The following PLXNA4 variants were observed in gnomAD, a reference collection of about 807,000 sequenced individuals.
PLXNA4 encodes the protein plexin-A4.
A neutral mutation model predicts 191.8 loss-of-function variants in PLXNA4; 44 were observed. The observed-to-expected ratio is 0.23, with a 90% CI of 0.18 to 0.29. PLXNA4 has a LOEUF of 0.29. Among genes scored for constraint, PLXNA4 ranks in the 10% least tolerant of loss-of-function variants. PLXNA4 has a pLI of 1.00. For missense variants in PLXNA4, 1,800 were observed against 2,488.8 expected (o/e 0.72, Z 5.89); for synonymous variants, 1,082 against 1,009.5 (o/e 1.07, Z -1.36).
rs188282545 is a variant in PLXNA4 at position 132,378,600 on chromosome 7, G to A, written c.1372-80378C>T. Among the ~76,000 whole-genome samples, 88 of 152,272 alleles carry A rather than the reference G, an allele frequency of 5.8e-4. 1 individual carries two copies. The highest frequency in any genetic ancestry group is 2.1e-3 in the African/African-American group (86 of 41,562). ...ATTCCAAGAAGTTTCATGGATAGCA[G>A]GCATGGCAGATGATTAACTTCCTCC... On this transcript the variant is annotated intron_variant, in intron 3 of 31. Transcript: ENST00000321063.
At chr7:132,550,792 A>G (rs528251795) in intron 1 of PLXNA4, among the ~76,000 whole-genome samples, 7 of 53,696 alleles carry the variant, frequency 1.3e-4, no homozygotes. Context: ...CTGCACCTAT[A>G]GTCCCTCATC....
chr7:132,242,877 C>T (rs1157078638), intron 4 of PLXNA4, among the ~76,000 whole-genome samples: 1 of 152,114 alleles, frequency 6.6e-6, no homozygotes, highest in Non-Finnish European at 1.5e-5. Flanking sequence ...AAGAATTTGC[C>T]CTCTTTCTGT....
chr7:132,546,151 A>T (rs1037979887), intron 1 of PLXNA4, among the ~76,000 whole-genome samples: 3 of 152,216 alleles, frequency 2.0e-5, no homozygotes, highest in Admixed American at 2.0e-4. Flanking sequence ...GTCTCTAGCT[A>T]GAGCTTCAGG....
intron 2 of PLXNA4, among the ~76,000 whole-genome samples, chr7:132,608,526 CA>C (rs1273597703): frequency 6.6e-6 from 1 of 152,108 alleles, no homozygotes; most frequent in African/African-American, 2.4e-5. Context: ...AAAGCTGGCC[CA>C]AGATTCTAAC....
At chr7:132,492,490 C>A (rs900722214) in intron 2 of PLXNA4, among the ~76,000 whole-genome samples, 4 of 152,228 alleles carry the variant, frequency 2.6e-5, no homozygotes, top group Non-Finnish European at 1.5e-5. Context: ...TGACAGATTT[C>A]TCCCTAAGTT....
intron 10 of PLXNA4, among the ~76,000 whole-genome samples, chr7:132,204,936 A>G (rs930427248): frequency 6.6e-6 from 1 of 152,254 alleles, no homozygotes; most frequent in East Asian, 1.9e-4. Flanking sequence ...TAGCATCCAG[A>G]GTTCTAACTT....
rs944544072 is a variant in PLXNA4, at chr7:132,549,713, A to C, written c.-87+26709T>G. Among the ~76,000 whole-genome samples the C allele has an allele frequency of 1.3e-5, 2 of 152,230 alleles. 1 individual carries two copies. Among genetic ancestry groups the C allele is most frequent in the Non-Finnish European group, 2.9e-5 (2 of 68,046 alleles). ...ATGCAGGGAGGATTCCTCAGCAGTC[A>C]TGACAATTGCTATTTGGGTTAAGTT... is the stretch of plus-strand genomic sequence containing the variant. On this transcript the variant is annotated intron_variant, in intron 1 of 31. Coordinates refer to ENST00000321063, the MANE Select transcript of PLXNA4 (RefSeq NM_020911.2).
intron 14 of PLXNA4, among the ~76,000 whole-genome samples, chr7:132,191,146 G>T (rs1001439394): frequency 6.6e-6 from 1 of 152,186 alleles, no homozygotes; most frequent in Non-Finnish European, 1.5e-5. Context: ...TTTACAGGGA[G>T]GGGGAGCCTT....
chr7:132,223,773 G>T (rs1183615713), intron 8 of PLXNA4, 132 bp from the exon 9 acceptor site: 1 of 677,012 alleles, frequency 1.5e-6, no homozygotes, highest in Non-Finnish European at 2.6e-6. Flanking sequence ...AGGAAGGGCA[G>T]ATCTTATGCA....
chr7:132,153,256 C>G (rs918059936), intron 25 of PLXNA4, among the ~76,000 whole-genome samples: 1 of 152,120 alleles, frequency 6.6e-6, no homozygotes, highest in African/African-American at 2.4e-5. Context: ...TGAGTCTGAG[C>G]AGGAGAAAGT....
At chr7:132,446,141 G>A (rs1353931577) in intron 3 of PLXNA4, among the ~76,000 whole-genome samples, 4 of 152,210 alleles carry the variant, frequency 2.6e-5, no homozygotes, top group South Asian at 2.1e-4. Context: ...TGAGCTACAC[G>A]TGGATAACAG....
chr7:132,424,323 T>C (rs1173315103), intron 3 of PLXNA4, among the ~76,000 whole-genome samples: 2 of 152,150 alleles, frequency 1.3e-5, no homozygotes, highest in East Asian at 3.9e-4. Flanking sequence ...ATCTAGGAAA[T>C]CCATACCAAG....
chr7:132,573,393 G>A (rs1338505831), intron 1 of PLXNA4, among the ~76,000 whole-genome samples: 2 of 152,254 alleles, frequency 1.3e-5, no homozygotes, highest in Non-Finnish European at 2.9e-5. Flanking sequence ...CCCCCTAGCT[G>A]GCTAGGAGGA....
chr7:132,491,011 C>A (rs1281407388), intron 2 of PLXNA4, among the ~76,000 whole-genome samples: 1 of 152,102 alleles, frequency 6.6e-6, no homozygotes, highest in South Asian at 2.1e-4. Flanking sequence ...CCTCGGCACT[C>A]CCCACAAGCA....
chr7:132,402,989 A>G (rs1171394506), intron 3 of PLXNA4, among the ~76,000 whole-genome samples: 1 of 152,212 alleles, frequency 6.6e-6, no homozygotes, highest in Non-Finnish European at 1.5e-5. Flanking sequence ...TAATAACTGG[A>G]TCTCTCTTCC....
At chr7:132,164,346 A>T (rs951020832) in intron 23 of PLXNA4, 58 bp from the exon 24 acceptor site, 2 of 1,591,320 alleles carry the variant, frequency 1.3e-6, no homozygotes, top group Middle Eastern at 3.3e-4. Flanking sequence ...GTGTACCCCC[A>T]GTCCCTGCTT....
chr7:132,603,816 T>A (rs1421718496), intron 2 of PLXNA4, among the ~76,000 whole-genome samples: 1 of 152,168 alleles, frequency 6.6e-6, no homozygotes, highest in Non-Finnish European at 1.5e-5. Context: ...AAAAACTGTA[T>A]CACACTGATG....
chr7:132,386,062 C>G lies in PLXNA4; in HGVS notation c.1372-87840G>C, dbSNP rs115493116. On this transcript the variant is annotated intron_variant, in intron 3 of 31. Coordinates refer to ENST00000321063, the MANE Select transcript of PLXNA4 (RefSeq NM_020911.2). ...GATGGCATGATGTTCCATAGAGCAG[C>G]GATCTTTGAGGGATTACCTCCAGCT... is the stretch of plus-strand genomic sequence containing the variant. 5.9e-3 allele frequency among the ~76,000 whole-genome samples: 895 copies of G among 152,228 alleles called. 7 individuals carry two copies. Among genetic ancestry groups the G allele is most frequent in the African/African-American group, 0.021 (875 of 41,524 alleles).
At chr7:132,627,182 C>A (rs1803394899) in intron 2 of PLXNA4, among the ~76,000 whole-genome samples, 1 of 152,190 alleles carries the variant, frequency 6.6e-6, no homozygotes, top group African/African-American at 2.4e-5. Flanking sequence ...TCCTTCCCAA[C>A]ACCCATCCCA....
Sources: allele counts gnomAD v4.1 joint callset (sites outside exome capture counted in the v4.1 genomes callset), GRCh38; gene constraint gnomAD v4.1.1; transcripts MANE v1.5; gene names NCBI Gene and HGNC (gene_info 2026-07-23, HGNC 2026-07-21).